ENOX2: variants seen among roughly 807,000 people sequenced by gnomAD.
The protein encoded by ENOX2 is ecto-NOX disulfide-thiol exchanger 2, also known as APK1 antigen.
In ENOX2, 36 loss-of-function variants were observed where a neutral mutation model predicts 45.0. The ratio of observed to expected loss-of-function variants is 0.80; its 90% CI spans 0.61 to 1.06. The LOEUF (loss-of-function observed/expected upper bound fraction) is 1.06. ENOX2 is among the 50% of genes least tolerant of loss of function. The pLI is 0.00. For synonymous variants in ENOX2, 174 were observed against 152.3 expected (o/e 1.14, Z -1.05); for missense variants, 423 against 462.5 (o/e 0.91, Z 0.78).
chrX:130,653,109 A>C (rs2036449430), intron 10 of ENOX2, among the ~76,000 whole-genome samples: 2 of 111,780 alleles, frequency 1.8e-5, no homozygotes, highest in Non-Finnish European at 3.8e-5. Context: ...ATCTGTATCC[A>C]ATCTGGCACT....
chrX:130,834,562 T>A (rs78150675), intron 2 of ENOX2, among the ~76,000 whole-genome samples: 4 of 110,836 alleles, frequency 3.6e-5, no homozygotes, highest in African/African-American at 6.6e-5. Context: ...TTTTTTTTTT[T>A]AATCTCGATT....
intron 8 of ENOX2, 131 bp downstream of exon 8, chrX:130,667,399 C>T (rs1004542234): frequency 6.7e-5 from 37 of 552,614 alleles, no homozygotes; most frequent in Non-Finnish European, 7.3e-5. Context: ...ATAAGGAGAG[C>T]ACAAGGCAGT....
intron 13 of ENOX2, among the ~76,000 whole-genome samples, chrX:130,628,651 C>T (rs895110515): frequency 6.2e-5 from 7 of 112,314 alleles, no homozygotes; most frequent in Admixed American, 2.8e-4. Flanking sequence ...ATTTCATTCA[C>T]GGCTAACTCA....
intron 3 of ENOX2, among the ~76,000 whole-genome samples, chrX:130,768,693 A>G (rs1336128127): frequency 1.8e-5 from 2 of 112,005 alleles, no homozygotes. Flanking sequence ...CTCCACAGGC[A>G]GGGAAGGGGA....
rs371874696 is a variant in ENOX2 at position 130,887,734 on chromosome X, T to C, written c.-183+13950A>G. On this transcript the variant is annotated intron_variant, in intron 2 of 14. Coordinates refer to ENST00000394363, the MANE Select transcript of ENOX2 (RefSeq NM_006375.4). ...GAGAATTCGTTCGGGATTTCATACATCAGTGCCTAAAGAAACAGCATGCAG... is the reference window on the plus strand; with the variant it reads ...GAGAATTCGTTCGGGATTTCATACACCAGTGCCTAAAGAAACAGCATGCAG... Among the ~76,000 whole-genome samples the C allele has an allele frequency of 7.7e-3, 859 of 111,741 alleles. 9 individuals carry two copies. Among genetic ancestry groups the C allele is most frequent in the South Asian group, 0.026 (70 of 2,649 alleles).
In ENOX2 at chrX:130,731,802, C is replaced by A. The variant is rs961804079; in HGVS notation, c.-38-28548G>T. 2.7e-5 allele frequency among the ~76,000 whole-genome samples: 3 copies of A among 111,748 alleles called. No homozygotes were observed. The Admixed American group carries it at 2.8e-4, about 11-fold the overall frequency. On this transcript the variant is annotated intron_variant, in intron 3 of 14. Transcript: ENST00000394363. ...AAAAAGTATCTGATAAAATTCAACA[C>A]CCTTTTTTGATAAAAACTCTCAACA... is the stretch of plus-strand genomic sequence containing the variant.
rs1451094447 is a variant in ENOX2, at chrX:130,688,884, T to C, written c.232A>G (p.Thr78Ala). The C allele has an allele frequency of 8.3e-7, 1 of 1,200,674 alleles. No homozygotes were observed. Among genetic ancestry groups the C allele is most frequent in the Non-Finnish European group, 1.1e-6 (1 of 887,997 alleles). ...TTACTTGGATTTGGAGGGAAGAGCG[T>C]GCAGCTTTTACAGTGTATGATCTCT... is the stretch of plus-strand genomic sequence containing the variant. ...VKEIIHCKSC[T>A]LFPPNPNLPP... is the part of the protein sequence containing the mutation. Residue 78 changes from threonine (T) to alanine (A), a missense_variant, in exon 5 of 15, where the codon ACG becomes GCG. By Grantham distance (58) the Thr-to-Ala change is moderately conservative. Coordinates refer to ENST00000394363, the MANE Select transcript of ENOX2 (RefSeq NM_006375.4).
intron 2 of ENOX2, among the ~76,000 whole-genome samples, chrX:130,865,792 G>C (rs2078485059): frequency 9.0e-6 from 1 of 111,188 alleles, no homozygotes; most frequent in African/African-American, 3.3e-5. Context: ...ATAGGATTCT[G>C]TTCTAATAGT....
chrX:130,858,208 C>T (rs1376085541), intron 2 of ENOX2, among the ~76,000 whole-genome samples: 3 of 107,846 alleles, frequency 2.8e-5, no homozygotes, highest in Non-Finnish European at 3.8e-5. Context: ...TCTGCCTCCC[C>T]GGGTTCAAGC....
intron 2 of ENOX2, among the ~76,000 whole-genome samples, chrX:130,797,454 C>T (rs1405923102): frequency 9.0e-6 from 1 of 111,516 alleles, no homozygotes; most frequent in Non-Finnish European, 1.9e-5. Flanking sequence ...CTCCATCTTC[C>T]ATTGTGTTTG....
At chrX:130,858,312 C>A (rs1006708866) in intron 2 of ENOX2, among the ~76,000 whole-genome samples, 2 of 109,672 alleles carry the variant, frequency 1.8e-5, no homozygotes, top group East Asian at 5.7e-4. Flanking sequence ...GATGGGGATT[C>A]GCCATGCTTT....
At chrX:130,883,823 A>C (rs927233791) in intron 2 of ENOX2, among the ~76,000 whole-genome samples, 1 of 111,521 alleles carries the variant, frequency 9.0e-6, no homozygotes, top group Admixed American at 9.5e-5. Flanking sequence ...GAACCTACAA[A>C]TCTCCCTCTT....
chrX:130,721,733 C>A (rs1249041501), intron 3 of ENOX2, among the ~76,000 whole-genome samples: 1 of 111,966 alleles, frequency 8.9e-6, no homozygotes, highest in East Asian at 2.8e-4. Flanking sequence ...TGAGCAACAG[C>A]CTACAGAGCT....
intron 2 of ENOX2, among the ~76,000 whole-genome samples, chrX:130,901,031 C>A (rs1279218332): frequency 8.9e-6 from 1 of 112,685 alleles, no homozygotes; most frequent in Non-Finnish European, 1.9e-5. Flanking sequence ...TAAAGAGAAT[C>A]ATCTAATTCA....
At chrX:130,656,453 G>A (rs902460426) in intron 10 of ENOX2, 128 bp downstream of exon 10, 1 of 460,960 alleles carries the variant, frequency 2.2e-6, no homozygotes, top group African/African-American at 2.5e-5. Flanking sequence ...ATATGGCCTT[G>A]CCACTTATTT....
intron 3 of ENOX2, among the ~76,000 whole-genome samples, chrX:130,768,685 C>T (rs2039671408): frequency 8.9e-6 from 1 of 111,835 alleles, no homozygotes; most frequent in Non-Finnish European, 1.9e-5. Flanking sequence ...AGCACCTGCT[C>T]CACAGGCAGG....
At chrX:130,759,535 G>A (rs1265675233) in intron 3 of ENOX2, among the ~76,000 whole-genome samples, 1 of 89,400 alleles carries the variant, frequency 1.1e-5, no homozygotes, top group Admixed American at 1.5e-4. Flanking sequence ...CCCAGATAGC[G>A]ACACTGCACT....
At chrX:130,727,837 C>T (rs2038641528) in intron 3 of ENOX2, among the ~76,000 whole-genome samples, 1 of 111,839 alleles carries the variant, frequency 8.9e-6, no homozygotes. Context: ...AGAGAGATCA[C>T]TCAGAATACG....
intron 2 of ENOX2, among the ~76,000 whole-genome samples, chrX:130,800,992 G>A (rs562294264): frequency 4.5e-5 from 5 of 112,234 alleles, no homozygotes; most frequent in African/African-American, 6.5e-5. Flanking sequence ...TCAAAATGGC[G>A]TATAAAATGG....
Sources: allele counts gnomAD v4.1 joint callset (sites outside exome capture counted in the v4.1 genomes callset), GRCh38; gene constraint gnomAD v4.1.1; transcripts MANE v1.5; gene names NCBI Gene and HGNC (gene_info 2026-07-23, HGNC 2026-07-21).